The following DMXL1 variants were observed in gnomAD, a reference collection of about 807,000 sequenced individuals.
DMXL1 encodes dmX-like protein 1.
Under a neutral mutation model 319.2 loss-of-function variants are expected in DMXL1, and 99 were observed. The observed-to-expected ratio is 0.31, with a 90% CI of 0.26 to 0.37. DMXL1 has a LOEUF of 0.37. Ranked by LOEUF, DMXL1 falls within the 10% of genes least tolerant of loss-of-function variation. The pLI, the probability that DMXL1 is intolerant of heterozygous loss-of-function variation, is 1.00. For synonymous variants in DMXL1, 1,385 were observed against 1,235.2 expected (o/e 1.12, Z -2.54); for missense variants, 3,745 against 3,595.6 (o/e 1.04, Z -1.06).
chr5:119,243,349 T>C (rs1789169021), intron 42 of DMXL1, among the ~76,000 whole-genome samples: 3 of 152,146 alleles, frequency 2.0e-5, no homozygotes, highest in African/African-American at 7.2e-5. Flanking sequence ...TAGGTGATAA[T>C]CTCTTTTACA....
chr5:119,121,422 C>G (rs1470750262), intron 9 of DMXL1, among the ~76,000 whole-genome samples: 1 of 151,808 alleles, frequency 6.6e-6, no homozygotes, highest in East Asian at 1.9e-4. Context: ...GGCAGAGGAC[C>G]CTGCGGCCTT....
rs778466428 is a variant in DMXL1 at position 119,148,985 on chromosome 5, A to T, written c.3158A>T (p.His1053Leu). The change falls in exon 18 of 44, where the codon CAT becomes CTT. Residue 1053 changes from histidine to leucine, a missense_variant. Physicochemically the swap from His to Leu is moderately conservative, Grantham distance 99 (BLOSUM62 -3). Transcript: ENST00000539542. ...PGRPVEVSCAHTNRLAVAYKQ... is the reference protein window; with the variant it reads ...PGRPVEVSCALTNRLAVAYKQ... ...AGGCCTGTAGAAGTTAGCTGTGCAC[A>T]TACAAATCGTTTAGCAGTAGCTTAT... 1 of 1,613,990 alleles carries T rather than the reference A, an allele frequency of 6.2e-7. No individual in the cohort carries two copies. Among genetic ancestry groups the T allele is most frequent in the South Asian group, 1.1e-5 (1 of 91,090 alleles).
chr5:119,119,592 G>T (rs1761584994), intron 8 of DMXL1, among the ~76,000 whole-genome samples: 1 of 150,304 alleles, frequency 6.7e-6, no homozygotes, highest in African/African-American at 2.5e-5. Context: ...CTGGAGTGCA[G>T]TGGCATGATC....
At chr5:119,134,226 T>A (rs763451733) in intron 12 of DMXL1, 42 bp from the exon 13 acceptor site, 20 of 1,605,282 alleles carry the variant, frequency 1.2e-5, no homozygotes, top group Non-Finnish European at 1.4e-5. Context: ...GCTGACATTA[T>A]CATCAAAGGG....
intron 15 of DMXL1, among the ~76,000 whole-genome samples, chr5:119,145,626 A>G (rs946448549): frequency 1.3e-5 from 2 of 151,460 alleles, no homozygotes; most frequent in African/African-American, 2.4e-5. Context: ...AAAAGAAGTT[A>G]CTCTCCTTTG....
At chr5:119,218,399 T>G (rs1423297066) in intron 35 of DMXL1, among the ~76,000 whole-genome samples, 1 of 152,112 alleles carries the variant, frequency 6.6e-6, no homozygotes, top group Non-Finnish European at 1.5e-5. Context: ...CCTGTTTAAT[T>G]TTTATTTCCC....
chr5:119,125,920 G>T (rs1278937455), intron 9 of DMXL1, among the ~76,000 whole-genome samples: 1 of 152,070 alleles, frequency 6.6e-6, no homozygotes, highest in Non-Finnish European at 1.5e-5. Flanking sequence ...AGCTCTGTAT[G>T]TACTGTAAGC....
chr5:119,177,302 A>G lies in DMXL1; in HGVS notation c.6759-55A>G, dbSNP rs538688123. 3 of 1,252,418 alleles carry G rather than the reference A, an allele frequency of 2.4e-6. No individual in the cohort carries two copies. In the East Asian group the frequency reaches 8.0e-5, roughly 34 times the overall value. The allele number at this position is 1,252,418 out of a possible 1,614,324, so 77.6% of individuals were successfully genotyped here. A position where few individuals can be genotyped will look rare whatever the true frequency, so the allele number is the denominator to read the frequency against. ...ATACTCTTGAAAGTAGATCTGAAAC[A>G]TGAAAATATTATATAAAATTTATCA... On this transcript the variant is annotated intron_variant, in intron 26 of 43. Transcript: ENST00000539542.
chr5:119,216,885 GT>G lies in DMXL1; in HGVS notation c.7927-13del. On this transcript the variant is annotated splice_polypyrimidine_tract_variant and intron_variant, in intron 34 of 43. Coordinates refer to ENST00000539542, the MANE Select transcript of DMXL1 (RefSeq NM_001290321.3). Reference sequence around the variant, plus strand: ...TAAAATCAGTGCATTTTTGTGTTTTGTTTCCTTTTATTTAGATAGAAGCAGA... The same window carrying G: ...TAAAATCAGTGCATTTTTGTGTTTTGTTCCTTTTATTTAGATAGAAGCAGA... 2 of 1,490,472 alleles carry G rather than the reference GT, an allele frequency of 1.3e-6. No individual in the cohort carries two copies. Among genetic ancestry groups the G allele is most frequent in the Non-Finnish European group, 1.9e-6 (2 of 1,077,532 alleles). 92.3% of individuals were successfully genotyped at this position (1,490,472 alleles called of 1,614,324 possible).
intron 1 of DMXL1, among the ~76,000 whole-genome samples, chr5:119,083,583 C>T (rs1174288353): frequency 6.6e-6 from 1 of 151,830 alleles, no homozygotes; most frequent in Non-Finnish European, 1.5e-5. Flanking sequence ...GCTCTGTTGC[C>T]CAGGCTGGAG....
chr5:119,229,832 T>G (rs1786331146), intron 38 of DMXL1, among the ~76,000 whole-genome samples: 1 of 152,174 alleles, frequency 6.6e-6, no homozygotes, highest in African/African-American at 2.4e-5. Context: ...ATCTATATCT[T>G]TCATAATTTA....
At chr5:119,208,029 A>G (rs1225177945) in intron 34 of DMXL1, among the ~76,000 whole-genome samples, 1 of 152,136 alleles carries the variant, frequency 6.6e-6, no homozygotes, top group East Asian at 1.9e-4. Flanking sequence ...GCCTGATTTG[A>G]TATCAGGTGT....
intron 36 of DMXL1, 24 bp downstream of exon 36, chr5:119,220,617 T>G (rs766757205): frequency 6.2e-7 from 1 of 1,604,524 alleles, no homozygotes; most frequent in Non-Finnish European, 8.5e-7. Context: ...TTGTTTCTAT[T>G]TAGTAATGTT....
intron 15 of DMXL1, 117 bp from the exon 16 acceptor site, chr5:119,146,720 C>A: frequency 1.1e-6 from 1 of 942,432 alleles, no homozygotes; most frequent in Non-Finnish European, 1.5e-6. Context: ...TGTTTGAAGC[C>A]TTAGGTAAAA....
chr5:119,164,357 A>G, intron 19 of DMXL1, 150 bp from the exon 20 acceptor site: 2 of 699,142 alleles, frequency 2.9e-6, no homozygotes, highest in Non-Finnish European at 4.5e-6. Context: ...TTGAAGAAGG[A>G]AAAACTTAAA....
intron 1 of DMXL1, among the ~76,000 whole-genome samples, chr5:119,087,052 T>G (rs547077977): frequency 4.6e-5 from 7 of 152,264 alleles, no homozygotes; most frequent in Non-Finnish European, 8.8e-5. Context: ...TTCTATTTAA[T>G]TTGTTACTTA....
intron 1 of DMXL1, among the ~76,000 whole-genome samples, chr5:119,088,935 G>T (rs925124935): frequency 2.0e-5 from 3 of 151,832 alleles, no homozygotes; most frequent in African/African-American, 2.4e-5. Context: ...TATTCTTCTA[G>T]ATTTGTCTGT....
intron 29 of DMXL1, among the ~76,000 whole-genome samples, chr5:119,192,604 A>G (rs576941670): frequency 1.0e-3 from 155 of 152,328 alleles, no homozygotes; most frequent in African/African-American, 3.6e-3. Flanking sequence ...TGTCAAATGT[A>G]GTGGAAACTT....
chr5:119,089,290 ATATTTTTTTTT>A (rs1352085101), intron 1 of DMXL1, among the ~76,000 whole-genome samples: 1 of 27,038 alleles, frequency 3.7e-5, no homozygotes. Context: ...ATATATATAT[ATATTTTTTTTT>A]TTTTTTTTTT....
Sources: gnomAD v4.1 joint callset for allele counts (sites outside exome capture counted in the v4.1 genomes callset) on GRCh38, gnomAD v4.1.1 for gene constraint, MANE v1.5 for transcripts, NCBI Gene and HGNC (gene_info 2026-07-23, HGNC 2026-07-21) for gene names.